Variants in HNF4G observed in about 807,000 individuals in gnomAD.
HNF4G encodes hepatocyte nuclear factor 4 gamma, also known as hepatocyte nuclear factor 4-gamma.
HNF4G carries 21 observed loss-of-function variants against 50.9 expected under a neutral mutation model. The ratio of observed to expected loss-of-function variants is 0.41; its 90% CI spans 0.29 to 0.59. HNF4G has a LOEUF of 0.59. Among genes scored for constraint, HNF4G ranks in the 20% least tolerant of loss-of-function variants. The pLI is 0.26. For synonymous variants in HNF4G, 198 were observed against 185.6 expected, an observed-to-expected ratio of 1.07 and a Z score of -0.54; for missense variants, 527 against 559.4, an observed-to-expected ratio of 0.94 and a Z score of 0.58.
At chr8:75,453,922 G>A (rs1459081382) in intron 1 of HNF4G, among the ~76,000 whole-genome samples, 1 of 152,142 alleles carries the variant, frequency 6.6e-6, no homozygotes, top group Non-Finnish European at 1.5e-5. Flanking sequence ...GTCCCAATGT[G>A]ATGGTATTTG....
At chr8:75,535,440 C>G (rs144147843), upstream of HNF4G, among the ~76,000 whole-genome samples, 88 of 151,750 alleles carry the variant, frequency 5.8e-4, no homozygotes, top group African/African-American at 2.1e-3. Flanking sequence ...GAGTTCTTCA[C>G]TTAATGGTTT....
At chr8:75,490,655 C>T (rs1812605549) in intron 2 of HNF4G, among the ~76,000 whole-genome samples, 1 of 152,034 alleles carries the variant, frequency 6.6e-6, no homozygotes. Context: ...AGTCAATGTT[C>T]TGAAAAAGAT....
Position 75,555,286 on chromosome 8 carries a change from T to A in HNF4G, c.646-696T>A, listed in dbSNP as rs192250770. ...TGAACAAGCACTTTGGATTACGGTG[T>A]CATTTACTAGATGAAGATAATGGGG... On this transcript the variant is annotated intron_variant, in intron 5 of 9. Coordinates refer to ENST00000396423, the MANE Select transcript of HNF4G (RefSeq NM_004133.5). 1.8e-3 allele frequency among the ~76,000 whole-genome samples: 272 copies of A among 152,284 alleles called. 2 individuals are homozygous for A. Among genetic ancestry groups the A allele is most frequent in the African/African-American group, 6.3e-3 (261 of 41,558 alleles).
chr8:75,480,717 C>CTTTT lies in HNF4G; in HGVS notation c.-143-9369_-143-9368insTTTT, dbSNP rs748221253. On this transcript the variant is annotated intron_variant, in intron 1 of 10. Transcript: ENST00000354370. The stretch of plus-strand genomic sequence containing the variant: ...CTGGATCTCATTTCTTTTTCTTTTT[C>CTTTT]TTTCTTTTTTTTTTTTTTTGAGACA... Among the ~76,000 whole-genome samples, 7 of 123,920 alleles carry CTTTT rather than the reference C, an allele frequency of 5.6e-5. 2 individuals carry two copies. The highest frequency in any genetic ancestry group is 3.3e-5 in the Non-Finnish European group (2 of 61,418). 81.3% of individuals were successfully genotyped at this position (123,920 alleles called of 152,430 possible).
chr8:75,410,223 A>G (rs1810468924), intron 1 of HNF4G, among the ~76,000 whole-genome samples: 1 of 152,180 alleles, frequency 6.6e-6, no homozygotes, highest in African/African-American at 2.4e-5. Flanking sequence ...TATTCTGAGA[A>G]GAGAATTGTT....
At chr8:75,542,621 C>T (rs939060187) in intron 1 of HNF4G, among the ~76,000 whole-genome samples, 2 of 150,094 alleles carry the variant, frequency 1.3e-5, no homozygotes, top group Non-Finnish European at 2.9e-5. Flanking sequence ...TCAGAGATTT[C>T]GGGGAGTTTT....
intron 5 of HNF4G, 39 bp from the exon 6 acceptor site, chr8:75,555,943 T>C (rs770101720): frequency 1.9e-6 from 2 of 1,077,320 alleles, no homozygotes; most frequent in East Asian, 2.5e-5. Flanking sequence ...AATCATTATA[T>C]ATTATAATTA....
At chr8:75,517,460 G>A (rs971231477) in intron 2 of HNF4G, among the ~76,000 whole-genome samples, 9 of 152,184 alleles carry the variant, frequency 5.9e-5, no homozygotes, top group Non-Finnish European at 1.3e-4. Flanking sequence ...TCCAACATAC[G>A]ATGGGGGTAC....
At chr8:75,554,597 T>C (rs1807060836) in intron 5 of HNF4G, among the ~76,000 whole-genome samples, 1 of 152,164 alleles carries the variant, frequency 6.6e-6, no homozygotes, top group African/African-American at 2.4e-5. Flanking sequence ...GTAAAATTCA[T>C]TCAATAAATT....
intron 2 of HNF4G, among the ~76,000 whole-genome samples, chr8:75,499,580 A>G (rs575626814): frequency 3.2e-5 from 2 of 63,168 alleles, no homozygotes; most frequent in Non-Finnish European, 6.0e-5. Flanking sequence ...GCAAAAAAGA[A>G]AATTTAACAA....
At chr8:75,530,772 G>A (rs916822953) in intron 2 of HNF4G, among the ~76,000 whole-genome samples, 2 of 150,358 alleles carry the variant, frequency 1.3e-5, no homozygotes, top group Admixed American at 1.3e-4. Context: ...ACAGAAGACA[G>A]TGGCAGGCAT....
At chr8:75,433,205 C>T (rs1811055681) in intron 1 of HNF4G, among the ~76,000 whole-genome samples, 1 of 151,868 alleles carries the variant, frequency 6.6e-6, no homozygotes, top group African/African-American at 2.4e-5. Flanking sequence ...AATTAGAGAC[C>T]AGCCTGGTCA....
chr8:75,430,474 T>TAG lies in HNF4G; in HGVS notation c.-144+22339_-144+22340dup, dbSNP rs66481707. 3.4e-3 allele frequency among the ~76,000 whole-genome samples: 469 copies of TAG among 136,094 alleles called. 1 individual carries two copies. The highest frequency in any genetic ancestry group is 7.5e-3 in the Middle Eastern group (2 of 268). The allele number at this position is 136,094 out of a possible 152,430, so 89.3% of individuals were successfully genotyped here. A position where few individuals can be genotyped will look rare whatever the true frequency, so the allele number is the denominator to read the frequency against. ...AAATAAAAGAGACGGGGGTAGGGAG[T>TAG]AGAGAGAGAGAGAGAGAGAGAGAGA... is the stretch of plus-strand genomic sequence containing the variant. On this transcript the variant is annotated intron_variant, in intron 1 of 10. Transcript: ENST00000354370.
chr8:75,531,708 T>C (rs1563543464), intron 2 of HNF4G, among the ~76,000 whole-genome samples: 2 of 152,126 alleles, frequency 1.3e-5, no homozygotes. Context: ...TAAATAATTA[T>C]GATGACTATG....
rs185701990 is a variant in HNF4G, at chr8:75,545,374, G to A, written c.287+1395G>A. Among the ~76,000 whole-genome samples, 244 of 152,062 alleles carry A rather than the reference G, an allele frequency of 1.6e-3. 1 individual carries two copies. The highest frequency in any genetic ancestry group is 5.4e-3 in the African/African-American group (225 of 41,516). Reference sequence around the variant, plus strand: ...CTTTCTTTATGGGAAGAGTGGAAAAGGGATGCTCTCAGAGCAGCTTTTAGA... The same window carrying A: ...CTTTCTTTATGGGAAGAGTGGAAAAAGGATGCTCTCAGAGCAGCTTTTAGA... On this transcript the variant is annotated intron_variant, in intron 2 of 9. Transcript: ENST00000396423.
intron 1 of HNF4G, among the ~76,000 whole-genome samples, chr8:75,414,907 C>A (rs1370612288): frequency 6.6e-6 from 1 of 152,078 alleles, no homozygotes; most frequent in Admixed American, 6.6e-5. Flanking sequence ...ATATGATTAC[C>A]TAGGAATAGA....
intron 2 of HNF4G, among the ~76,000 whole-genome samples, chr8:75,545,428 G>C (rs542556040): frequency 6.6e-6 from 1 of 152,208 alleles, no homozygotes; most frequent in African/African-American, 2.4e-5. Context: ...ACAACAGATA[G>C]AGTTTAACTC....
chr8:75,491,911 G>C (rs1236992989), intron 2 of HNF4G, among the ~76,000 whole-genome samples: 1 of 152,166 alleles, frequency 6.6e-6, no homozygotes, highest in Non-Finnish European at 1.5e-5. Flanking sequence ...GGCACACAAA[G>C]AACAATGCTT....
chr8:75,560,961 G>A (rs1807296048), intron 9 of HNF4G, among the ~76,000 whole-genome samples: 1 of 152,010 alleles, frequency 6.6e-6, no homozygotes, highest in African/African-American at 2.4e-5. Flanking sequence ...AAAACATTAG[G>A]AATATTGACA....
Sources: gnomAD v4.1 joint callset for allele counts (sites outside exome capture counted in the v4.1 genomes callset) on GRCh38, gnomAD v4.1.1 for gene constraint, MANE v1.5 for transcripts, NCBI Gene and HGNC (gene_info 2026-07-23, HGNC 2026-07-21) for gene names.